Variants in FRMPD4 observed in about 807,000 individuals in gnomAD.
FRMPD4 encodes FERM and PDZ domain containing 4, also known as FERM and PDZ domain-containing protein 4.
Under a neutral mutation model 94.1 loss-of-function variants are expected in FRMPD4, and 22 were observed. The ratio of observed to expected loss-of-function variants is 0.23; its 90% CI spans 0.17 to 0.33. The LOEUF is 0.33. Among genes scored for constraint, FRMPD4 ranks in the 10% least tolerant of loss-of-function variants. The probability of loss-of-function intolerance (pLI) is 1.00; values close to 1 mark genes in which losing one functional copy is unlikely to be tolerated. For synonymous variants in FRMPD4, 631 were observed against 548.6 expected (o/e 1.15, Z -2.10); for missense variants, 1,111 against 1,339.9 (o/e 0.83, Z 2.67).
intron 1 of FRMPD4, among the ~76,000 whole-genome samples, chrX:11,840,986 T>C (rs1388372528): frequency 1.9e-5 from 2 of 102,687 alleles, no homozygotes; most frequent in East Asian, 3.2e-4. Flanking sequence ...TGAATGAGAA[T>C]ATGCGGTGTT....
intron 3 of FRMPD4, among the ~76,000 whole-genome samples, chrX:11,995,341 AT>A (rs994073709): frequency 6.3e-5 from 7 of 110,687 alleles, no homozygotes; most frequent in African/African-American, 2.3e-4. Context: ...GCATCTTATT[AT>A]TTTTTTTCAG....
chrX:12,497,063 TGGAAAGGAAAGGAAAAGGAAAA>T (rs745799394), intron 1 of FRMPD4, among the ~76,000 whole-genome samples: 1 of 111,094 alleles, frequency 9.0e-6, no homozygotes, highest in East Asian at 2.8e-4. Flanking sequence ...GGAAGAAGAA[TGGAAAGGAAAGGAAAAGGAAAA>T]GGAAAGGAAA....
intron 1 of FRMPD4, among the ~76,000 whole-genome samples, chrX:12,144,980 A>G (rs1052197279): frequency 9.0e-6 from 1 of 110,865 alleles, no homozygotes; most frequent in South Asian, 3.7e-4. Context: ...TATGAAAGAA[A>G]TGTTTCCAAA....
At chrX:12,415,223 A>G (rs2056785011) in intron 1 of FRMPD4, among the ~76,000 whole-genome samples, 1 of 112,047 alleles carries the variant, frequency 8.9e-6, no homozygotes, top group Non-Finnish European at 1.9e-5. Flanking sequence ...GTGGAGGCAC[A>G]TAAATCCTGA....
In FRMPD4 at chrX:12,719,994, AGAAAGGAAAGGAAAGGAAAGGAAAG is replaced by A. The variant is rs771686552; in HGVS notation, c.3965-504_3965-480del. 1.8e-3 allele frequency among the ~76,000 whole-genome samples: 146 copies of A among 81,958 alleles called. 2 individuals carry two copies. Among genetic ancestry groups the A allele is most frequent in the African/African-American group, 7.0e-3 (133 of 19,048 alleles). The allele number at this position is 81,958 out of a possible 115,157, so 71.2% of individuals were successfully genotyped here. On this transcript the variant is annotated intron_variant, in intron 16 of 16. Coordinates refer to ENST00000675598, the MANE Select transcript of FRMPD4 (RefSeq NM_001368397.1). Reference sequence around the variant, plus strand: ...CACTTCTTTAAAAGAAAGAAAGGAAAGAAAGGAAAGGAAAGGAAAGGAAAGGAAAGGAAAGGAAAGGAAAGGAAAG... The same window carrying A: ...CACTTCTTTAAAAGAAAGAAAGGAAAGAAAGGAAAGGAAAGGAAAGGAAAG...
chrX:12,017,890 T>C (rs1452597539), intron 3 of FRMPD4, among the ~76,000 whole-genome samples: 1 of 111,729 alleles, frequency 9.0e-6, no homozygotes, highest in Non-Finnish European at 1.9e-5. Context: ...GGTATGTATT[T>C]GAGAAGTAAT....
At chrX:12,366,854 A>T (rs16986844) in intron 1 of FRMPD4, among the ~76,000 whole-genome samples, 1,523 of 111,769 alleles carry the variant, frequency 0.014, 28 homozygotes, top group African/African-American at 0.047. Context: ...CTGAGTGTAT[A>T]GTAGCTAAGT....
intron 1 of FRMPD4, among the ~76,000 whole-genome samples, chrX:12,442,187 T>A (rs1271088327): frequency 4.4e-4 from 5 of 11,394 alleles, no homozygotes; most frequent in Non-Finnish European, 4.6e-4. Flanking sequence ...AAATATATGG[T>A]TGGTTATATG....
intron 2 of FRMPD4, among the ~76,000 whole-genome samples, chrX:12,585,672 A>G (rs1351288925): frequency 9.0e-6 from 1 of 111,681 alleles, no homozygotes; most frequent in Admixed American, 9.5e-5. Flanking sequence ...CTTCCTTTGC[A>G]TTTCAGCAAA....
intron 3 of FRMPD4, among the ~76,000 whole-genome samples, chrX:12,081,022 A>G (rs1292546327): frequency 9.0e-6 from 1 of 111,725 alleles, no homozygotes; most frequent in Non-Finnish European, 1.9e-5. Flanking sequence ...ATCACAGCAA[A>G]TCTTTCCTTG....
chrX:11,994,324 A>G (rs910304477), intron 3 of FRMPD4, among the ~76,000 whole-genome samples: 1 of 111,064 alleles, frequency 9.0e-6, no homozygotes, highest in African/African-American at 3.3e-5. Context: ...AGTCAGAGGG[A>G]TGTTATTTTT....
At chrX:12,109,048 G>T (rs4271142) in intron 3 of FRMPD4, among the ~76,000 whole-genome samples, 57,341 of 109,767 alleles carry the variant, frequency 0.52, 12,485 homozygotes, top group Non-Finnish European at 0.71. Context: ...TCCAGGAATT[G>T]AACTCAGCTC....
chrX:12,676,786 C>T (rs913557304), intron 5 of FRMPD4, among the ~76,000 whole-genome samples: 4 of 111,865 alleles, frequency 3.6e-5, no homozygotes, highest in Non-Finnish European at 5.6e-5. Context: ...CTAGGAGTTC[C>T]GATGGCTCTT....
intron 1 of FRMPD4, among the ~76,000 whole-genome samples, chrX:12,478,585 G>A (rs2057633254): frequency 1.8e-5 from 2 of 111,420 alleles, no homozygotes; most frequent in Non-Finnish European, 3.8e-5. Flanking sequence ...CCCATCTCAA[G>A]ATAAAAGAAA....
At chrX:12,668,096 TAA>T (rs2059798502) in intron 4 of FRMPD4, among the ~76,000 whole-genome samples, 1 of 112,198 alleles carries the variant, frequency 8.9e-6, no homozygotes, top group Non-Finnish European at 1.9e-5. Context: ...TTTGATGGCT[TAA>T]AAGTGTCATC....
upstream of FRMPD4, among the ~76,000 whole-genome samples, chrX:12,137,585 A>G (rs1182548679): frequency 9.0e-6 from 1 of 111,459 alleles, no homozygotes; most frequent in Admixed American, 9.5e-5. Context: ...ATTTTAAAGG[A>G]TTGTGGAGAA....
chrX:12,320,788 G>A (rs1344571704), intron 1 of FRMPD4, among the ~76,000 whole-genome samples: 7 of 111,264 alleles, frequency 6.3e-5, no homozygotes, highest in African/African-American at 2.3e-4. Context: ...TGACTAGCCA[G>A]AAGACAAGGA....
In FRMPD4 at chrX:12,305,782, G is replaced by C. The variant is rs763979677; in HGVS notation, c.41+166770G>C. Among the ~76,000 whole-genome samples, 3 of 91,768 alleles carry C rather than the reference G, an allele frequency of 3.3e-5. No individual in the cohort carries two copies. In the South Asian group the frequency reaches 1.8e-3, roughly 54 times the overall value. 79.7% of individuals were successfully genotyped at this position (91,768 alleles called of 115,157 possible). ...GGGTCTCACTATGTTGCCTAGTCTG[G>C]TCTCAAACTCTTGGTCTCAAGCAGT... On this transcript the variant is annotated intron_variant, in intron 1 of 16. Transcript: ENST00000675598.
At chrX:11,915,241 G>T (rs2054018622) in intron 3 of FRMPD4, among the ~76,000 whole-genome samples, 1 of 112,567 alleles carries the variant, frequency 8.9e-6, no homozygotes, top group Non-Finnish European at 1.9e-5. Context: ...ATTGCTTTGT[G>T]AGCTTTTAGT....
Sources: gnomAD v4.1 joint callset for allele counts (sites outside exome capture counted in the v4.1 genomes callset) on GRCh38, gnomAD v4.1.1 for gene constraint, MANE v1.5 for transcripts, NCBI Gene and HGNC (gene_info 2026-07-23, HGNC 2026-07-21) for gene names.